Variants in KANSL1L observed in about 807,000 individuals in gnomAD.
KANSL1L encodes KAT8 regulatory NSL complex subunit 1 like, also known as KAT8 regulatory NSL complex subunit 1-like protein.
In KANSL1L, 25 loss-of-function variants were observed where a neutral mutation model predicts 108.6. That is an observed-to-expected ratio of 0.23 (90% CI 0.17 to 0.32). The LOEUF (loss-of-function observed/expected upper bound fraction) is 0.32. Ranked by LOEUF, KANSL1L falls within the 10% of genes least tolerant of loss-of-function variation. The pLI is 1.00. For missense variants in KANSL1L, 1,137 were observed against 1,125.7 expected, an observed-to-expected ratio of 1.01 and a Z score of -0.14; for synonymous variants, 405 against 395.1, an observed-to-expected ratio of 1.03 and a Z score of -0.30.
intron 1 of KANSL1L, among the ~76,000 whole-genome samples, chr2:210,165,188 C>A (rs201947108): frequency 7.6e-5 from 11 of 144,114 alleles, no homozygotes; most frequent in Non-Finnish European, 1.1e-4. Context: ...AAAAAAAAAC[C>A]AAAAAACAAA....
intron 3 of KANSL1L, among the ~76,000 whole-genome samples, chr2:210,117,871 T>C (rs1394057034): frequency 2.6e-5 from 4 of 151,966 alleles, no homozygotes; most frequent in South Asian, 2.1e-4. Context: ...TATAAAAAAA[T>C]AGAAAATTTT....
At chr2:210,066,554 A>G (rs2094468661) in intron 6 of KANSL1L, among the ~76,000 whole-genome samples, 1 of 152,102 alleles carries the variant, frequency 6.6e-6, no homozygotes, top group Non-Finnish European at 1.5e-5. Context: ...CACATTTCCA[A>G]CTCAAAAACC....
chr2:210,156,382 G>A (rs2095333276), intron 1 of KANSL1L, among the ~76,000 whole-genome samples: 1 of 151,854 alleles, frequency 6.6e-6, no homozygotes. Flanking sequence ...TTTTACCAAA[G>A]GGTAATGTTC....
At chr2:210,035,293 A>T (rs2094085848) in intron 8 of KANSL1L, 1 of 152,176 alleles carries the variant, frequency 6.6e-6, no homozygotes. Context: ...CTCATGATTA[A>T]ACTAGTCATC....
In KANSL1L at chr2:210,058,634, C is replaced by A. The variant is rs1308015782; in HGVS notation, c.1756-14530G>T. On this transcript the variant is annotated intron_variant, in intron 6 of 14. Transcript: ENST00000281772. Reference sequence around the variant, plus strand: ...GGATCACGAGGTCAGGAGATCGAGCCCATCCTGGCTAACATGGTGAAACCC... The same window carrying A: ...GGATCACGAGGTCAGGAGATCGAGCACATCCTGGCTAACATGGTGAAACCC... 7.2e-5 allele frequency among the ~76,000 whole-genome samples: 11 copies of A among 152,082 alleles called. No individual in the cohort carries two copies. The South Asian group carries it at 2.3e-3, about 32-fold the overall frequency.
intron 3 of KANSL1L, among the ~76,000 whole-genome samples, chr2:210,128,287 G>T (rs2095087315): frequency 6.6e-6 from 1 of 152,098 alleles, no homozygotes. Flanking sequence ...ATTGAAAACA[G>T]GGTCTCAAAG....
chr2:210,128,332 C>T (rs988901771), intron 3 of KANSL1L, among the ~76,000 whole-genome samples: 2 of 152,224 alleles, frequency 1.3e-5, no homozygotes, highest in Non-Finnish European at 2.9e-5. Flanking sequence ...AGCATACTCA[C>T]AATAGCTAAA....
At chr2:210,139,742 C>CTT (rs200971902) in intron 2 of KANSL1L, among the ~76,000 whole-genome samples, 20 of 134,350 alleles carry the variant, frequency 1.5e-4, no homozygotes, top group African/African-American at 4.1e-4. Context: ...TGCCCATTTC[C>CTT]TTTTTTTTTT....
At position 210,079,644 on chromosome 2, in the gene KANSL1L, A is replaced by ATATGTGTGTG. The variant is rs1553653224; in HGVS notation, c.1551-3889_1551-3888insCACACACATA. On this transcript the variant is annotated intron_variant, in intron 5 of 14. Transcript: ENST00000281772. ...TATATATATATATATATATATATATATATATATATATATATATATATGTAT... is the reference window on the plus strand; with the variant it reads ...TATATATATATATATATATATATATATATGTGTGTGTATATATATATATATATATATGTAT... 2.2e-4 allele frequency among the ~76,000 whole-genome samples: 2 copies of ATATGTGTGTG among 8,978 alleles called. 1 individual carries two copies. Among genetic ancestry groups the ATATGTGTGTG allele is most frequent in the Non-Finnish European group, 6.7e-4 (2 of 3,000 alleles). The allele number at this position is 8,978 out of a possible 152,430, so 5.9% of individuals were successfully genotyped here.
intron 2 of KANSL1L, among the ~76,000 whole-genome samples, chr2:210,145,675 T>C (rs1388451092): frequency 1.3e-5 from 2 of 152,036 alleles, no homozygotes; most frequent in Non-Finnish European, 2.9e-5. Flanking sequence ...CAAGGAGTGG[T>C]CTAGTATATT....
intron 3 of KANSL1L, among the ~76,000 whole-genome samples, chr2:210,123,036 G>A (rs1351445470): frequency 6.6e-6 from 1 of 152,032 alleles, no homozygotes; most frequent in South Asian, 2.1e-4. Flanking sequence ...CAAAGGTCAG[G>A]GAATAAAACA....
At chr2:210,162,150 T>A (rs2095364735) in intron 1 of KANSL1L, among the ~76,000 whole-genome samples, 1 of 147,044 alleles carries the variant, frequency 6.8e-6, no homozygotes, top group Non-Finnish European at 1.5e-5. Context: ...ATATGAAGAA[T>A]TGGTCTTCAT....
chr2:210,048,516 G>A (rs1355891882), intron 6 of KANSL1L, among the ~76,000 whole-genome samples: 1 of 151,396 alleles, frequency 6.6e-6, no homozygotes, highest in Admixed American at 6.6e-5. Context: ...ATTTTGTATG[G>A]ATAATTCTAA....
At chr2:210,162,285 G>T (rs2095366427) in intron 1 of KANSL1L, among the ~76,000 whole-genome samples, 1 of 135,454 alleles carries the variant, frequency 7.4e-6, no homozygotes, top group South Asian at 2.4e-4. Context: ...CTTGTTTCAA[G>T]ACAGAGTCAA....
intron 5 of KANSL1L, among the ~76,000 whole-genome samples, chr2:210,091,902 C>T (rs911866998): frequency 2.0e-5 from 3 of 152,166 alleles, no homozygotes; most frequent in Admixed American, 6.5e-5. Flanking sequence ...GTTTGTCCTT[C>T]ACACTCAGAC....
intron 6 of KANSL1L, among the ~76,000 whole-genome samples, chr2:210,062,819 A>G (rs2094433142): frequency 6.6e-6 from 1 of 152,168 alleles, no homozygotes; most frequent in Non-Finnish European, 1.5e-5. Context: ...TTTAAAAGGG[A>G]AACAGCATAA....
At position 210,081,715 on chromosome 2, in the gene KANSL1L, G is replaced by A. The variant is rs987229753; in HGVS notation, c.1551-5959C>T. 3.3e-5 allele frequency among the ~76,000 whole-genome samples: 5 copies of A among 152,122 alleles called. 1 individual carries two copies. The highest frequency in any genetic ancestry group is 3.3e-4 in the Admixed American group (5 of 15,266). On this transcript the variant is annotated intron_variant, in intron 5 of 14. Coordinates refer to ENST00000281772, the MANE Select transcript of KANSL1L (RefSeq NM_152519.4). Reference sequence around the variant, plus strand: ...GAAATACTGTACATACACATATGTTGTCAGGTTTATCATTCCAGCCCTGGG... The same window carrying A: ...GAAATACTGTACATACACATATGTTATCAGGTTTATCATTCCAGCCCTGGG...
At chr2:210,094,676 A>G (rs2094720632) in intron 5 of KANSL1L, among the ~76,000 whole-genome samples, 1 of 152,088 alleles carries the variant, frequency 6.6e-6, no homozygotes, top group African/African-American at 2.4e-5. Flanking sequence ...CATGAGTAAC[A>G]TTAAAAAACT....
intron 5 of KANSL1L, among the ~76,000 whole-genome samples, chr2:210,084,044 T>C (rs992845346): frequency 1.8e-4 from 28 of 152,086 alleles, no homozygotes; most frequent in Non-Finnish European, 7.4e-5. Context: ...TACTCAAAAA[T>C]GGAAGTCTCT....
Sources: gnomAD v4.1 joint callset for allele counts (sites outside exome capture counted in the v4.1 genomes callset) on GRCh38, gnomAD v4.1.1 for gene constraint, MANE v1.5 for transcripts, NCBI Gene and HGNC (gene_info 2026-07-23, HGNC 2026-07-21) for gene names.